The following FA2H variants were observed in gnomAD, a reference collection of about 807,000 sequenced individuals.
FA2H encodes fatty acid 2-hydroxylase.
A neutral mutation model predicts 44.9 loss-of-function variants in FA2H; 22 were observed. The ratio of observed to expected loss-of-function variants is 0.49; its 90% CI spans 0.35 to 0.70. The LOEUF (loss-of-function observed/expected upper bound fraction) is 0.70, where lower values mean the gene tolerates loss of function less well. Among genes scored for constraint, FA2H ranks in the 30% least tolerant of loss-of-function variants. The pLI is 0.01. For synonymous variants in FA2H, 243 were observed against 213.2 expected, an observed-to-expected ratio of 1.14 and a Z score of -1.22; for missense variants, 501 against 504.9, an observed-to-expected ratio of 0.99 and a Z score of 0.07.
intron 1 of FA2H, among the ~76,000 whole-genome samples, chr16:74,760,907 G>C (rs1187533236): frequency 6.6e-6 from 1 of 152,126 alleles, no homozygotes; most frequent in Non-Finnish European, 1.5e-5. Context: ...TGAAATACAG[G>C]TTCCTACATC....
intron 3 of FA2H, among the ~76,000 whole-genome samples, chr16:74,726,616 A>C (rs982546540): frequency 2.0e-5 from 3 of 152,058 alleles, no homozygotes; most frequent in Non-Finnish European, 4.4e-5. Flanking sequence ...CGAACTCCTG[A>C]CCTCAGGTGA....
intron 1 of FA2H, among the ~76,000 whole-genome samples, chr16:74,764,990 T>A (rs75334308): frequency 6.6e-6 from 1 of 152,128 alleles, no homozygotes; most frequent in Non-Finnish European, 1.5e-5. Flanking sequence ...AGGAGACTCA[T>A]GGGACGGGTA....
chr16:74,734,852 C>T (rs754676563), intron 2 of FA2H, among the ~76,000 whole-genome samples: 58 of 152,354 alleles, frequency 3.8e-4, no homozygotes, highest in Non-Finnish European at 7.3e-4. Flanking sequence ...GCACTGCTCA[C>T]CCCCACAGCG....
At chr16:74,726,096 A>G in intron 4 of FA2H, 129 bp downstream of exon 4, 2 of 704,510 alleles carry the variant, frequency 2.8e-6, no homozygotes, top group Non-Finnish European at 5.2e-6. Context: ...TTCTACAGAG[A>G]GGCTTCACCA....
intron 2 of FA2H, among the ~76,000 whole-genome samples, chr16:74,727,831 G>A (rs1360400999): frequency 2.0e-5 from 3 of 152,214 alleles, no homozygotes; most frequent in Admixed American, 1.3e-4. Context: ...GGTACAGGAG[G>A]TAATACATTT....
chr16:74,722,491 G>A (rs1205533819), intron 4 of FA2H, among the ~76,000 whole-genome samples: 1 of 152,128 alleles, frequency 6.6e-6, no homozygotes, highest in African/African-American at 2.4e-5. Context: ...AGCTGTGATT[G>A]CACCATTGCA....
chr16:74,726,396 T>A (rs1186484256), intron 3 of FA2H, 65 bp from the exon 4 acceptor site: 1 of 655,398 alleles, frequency 1.5e-6, no homozygotes, highest in Non-Finnish European at 2.2e-6. Context: ...ACAGCTTTCT[T>A]TTTTTTTTTG....
intron 3 of FA2H, among the ~76,000 whole-genome samples, chr16:74,726,789 T>A (rs1363520338): frequency 1.3e-5 from 2 of 152,128 alleles, no homozygotes; most frequent in Non-Finnish European, 2.9e-5. Context: ...AAAGGGACAC[T>A]GGTACAGGGA....
intron 1 of FA2H, among the ~76,000 whole-genome samples, chr16:74,765,092 T>C (rs963511276): frequency 1.3e-5 from 2 of 152,200 alleles, no homozygotes; most frequent in East Asian, 1.9e-4. Context: ...ACTTGCTTGA[T>C]GGTTCTCCAT....
At chr16:74,739,422 T>A (rs1377433592) in intron 2 of FA2H, among the ~76,000 whole-genome samples, 1 of 152,126 alleles carries the variant, frequency 6.6e-6, no homozygotes, top group African/African-American at 2.4e-5. Flanking sequence ...GTGACTCCTT[T>A]TCCACCGTGA....
chr16:74,720,571 C>T (rs1277498124), intron 4 of FA2H, among the ~76,000 whole-genome samples: 1 of 152,082 alleles, frequency 6.6e-6, no homozygotes, highest in Non-Finnish European at 1.5e-5. Context: ...TTCTTAACGG[C>T]TTTATCTAAA....
At chr16:74,741,402 G>A (rs1266036752) in intron 1 of FA2H, 3 of 152,338 alleles carry the variant, frequency 2.0e-5, no homozygotes, top group East Asian at 1.9e-4. Flanking sequence ...GTAAAAGTCG[G>A]CTTTTGTGGT....
chr16:74,729,451 T>C (rs1174561433), intron 2 of FA2H, among the ~76,000 whole-genome samples: 1 of 152,216 alleles, frequency 6.6e-6, no homozygotes, highest in African/African-American at 2.4e-5. Flanking sequence ...TTATCTCACC[T>C]TTACACGGCA....
chr16:74,734,439 C>T (rs981729068), intron 2 of FA2H, among the ~76,000 whole-genome samples: 1 of 152,234 alleles, frequency 6.6e-6, no homozygotes, highest in South Asian at 2.1e-4. Flanking sequence ...CGGGCCGGGG[C>T]CCAGGAAGCA....
At position 74,716,500 on chromosome 16, in the gene FA2H, C is replaced by T. The variant is rs373270982; in HGVS notation, c.886G>A (p.Val296Ile). 3 of 1,613,762 alleles carry T rather than the reference C, an allele frequency of 1.9e-6. No individual in the cohort carries two copies. The highest frequency in any genetic ancestry group is 2.5e-6 in the Non-Finnish European group (3 of 1,179,916). Residue 296 changes from valine to isoleucine, a missense_variant, in exon 6 of 7, where the codon GTA becomes ATA. Physicochemically the swap from Val to Ile is conservative, Grantham distance 29. Coordinates refer to ENST00000219368, the MANE Select transcript of FA2H (RefSeq NM_024306.5). Reference protein sequence around the residue: ...LCMQLILPEAVGGTVFAGGLL... With the variant: ...LCMQLILPEAIGGTVFAGGLL... The stretch of plus-strand genomic sequence containing the variant: ...CCCCCCGCAAACACAGTGCCCCCTA[C>T]TGCCTCGGGCAGGATGAGCTGCATG...
chr16:74,737,342 C>T (rs1962202148), intron 2 of FA2H, among the ~76,000 whole-genome samples: 1 of 152,166 alleles, frequency 6.6e-6, no homozygotes. Flanking sequence ...CACAACCTGG[C>T]TTCTTGTCCC....
At chr16:74,768,934 TC>T (rs1316433311) in intron 1 of FA2H, among the ~76,000 whole-genome samples, 4 of 151,854 alleles carry the variant, frequency 2.6e-5, no homozygotes, top group African/African-American at 9.7e-5. Context: ...CCTAAAGTCT[TC>T]TCAAGCAGAG....
At chr16:74,730,978 G>A (rs1476348049) in intron 2 of FA2H, among the ~76,000 whole-genome samples, 3 of 152,104 alleles carry the variant, frequency 2.0e-5, no homozygotes, top group South Asian at 2.1e-4. Context: ...TCCTTCTCCC[G>A]AAGTCCGCTT....
chr16:74,743,029 T>G (rs891815447), intron 1 of FA2H, among the ~76,000 whole-genome samples: 4 of 152,176 alleles, frequency 2.6e-5, no homozygotes, highest in Non-Finnish European at 5.9e-5. Context: ...TATTTTCTTT[T>G]TATAGATATA....
Sources: allele counts gnomAD v4.1 joint callset (sites outside exome capture counted in the v4.1 genomes callset), GRCh38; gene constraint gnomAD v4.1.1; transcripts MANE v1.5; gene names NCBI Gene and HGNC (gene_info 2026-07-23, HGNC 2026-07-21).